The following ANKRD12 variants were observed in gnomAD, a reference collection of about 807,000 sequenced individuals.
ANKRD12 encodes ankyrin repeat domain 12.
ANKRD12 carries 85 observed loss-of-function variants against 183.4 expected under a neutral mutation model. The observed-to-expected ratio is 0.46, with a 90% CI of 0.39 to 0.56. ANKRD12 has a LOEUF of 0.56. ANKRD12 is among the 20% of genes least tolerant of loss of function. ANKRD12 has a pLI of 0.00. For synonymous variants in ANKRD12, 914 were observed against 800.2 expected, an observed-to-expected ratio of 1.14 and a Z score of -2.40; for missense variants, 2,405 against 2,357.1, an observed-to-expected ratio of 1.02 and a Z score of -0.42.
At chr18:9,157,102 C>T (rs536156492) in intron 1 of ANKRD12, among the ~76,000 whole-genome samples, 5 of 152,202 alleles carry the variant, frequency 3.3e-5, no homozygotes, top group African/African-American at 7.2e-5. Flanking sequence ...AACTCTGAAC[C>T]GTGCTTCTAG....
chr18:9,211,978 T>C (rs1035329373), intron 6 of ANKRD12, among the ~76,000 whole-genome samples, 194 bp downstream of exon 6: 3 of 152,130 alleles, frequency 2.0e-5, no homozygotes, highest in African/African-American at 4.8e-5. Flanking sequence ...TAATTACTCA[T>C]ATTTTTATAT....
At chr18:9,196,189 TACACACACACAC>T (rs34220366) in intron 3 of ANKRD12, among the ~76,000 whole-genome samples, 9 of 51,618 alleles carry the variant, frequency 1.7e-4, no homozygotes, top group South Asian at 8.1e-4. Context: ...ATAGAATTTT[TACACACACACAC>T]ACACACACAC....
chr18:9,264,681 A>T (rs1433622420), intron 10 of ANKRD12, among the ~76,000 whole-genome samples: 2 of 152,382 alleles, frequency 1.3e-5, no homozygotes, highest in Non-Finnish European at 2.9e-5. Flanking sequence ...CAGAATTTAC[A>T]ACACTGCATG....
intron 1 of ANKRD12, among the ~76,000 whole-genome samples, chr18:9,158,080 T>C (rs1225880365): frequency 6.6e-6 from 1 of 152,182 alleles, no homozygotes; most frequent in Non-Finnish European, 1.5e-5. Context: ...CGTTGCTTAA[T>C]GGCTTCCAAA....
intron 1 of ANKRD12, among the ~76,000 whole-genome samples, chr18:9,156,727 C>G (rs1245503985): frequency 1.3e-5 from 2 of 152,164 alleles, no homozygotes; most frequent in Non-Finnish European, 2.9e-5. Flanking sequence ...CCAATATCCA[C>G]TCAGCAAAAT....
chr18:9,141,065 C>T (rs72935246), intron 1 of ANKRD12, among the ~76,000 whole-genome samples: 2,059 of 151,622 alleles, frequency 0.014, 19 homozygotes, highest in Non-Finnish European at 0.02. Flanking sequence ...AGTTTGAAGG[C>T]GGGGATTCTT....
intron 8 of ANKRD12, among the ~76,000 whole-genome samples, chr18:9,238,534 C>A (rs1356198523): frequency 5.3e-5 from 8 of 152,186 alleles, no homozygotes; most frequent in Admixed American, 4.6e-4. Flanking sequence ...ACATATAAGT[C>A]ATACACTCGA....
chr18:9,196,655 T>G (rs991267805), intron 3 of ANKRD12, among the ~76,000 whole-genome samples: 1 of 152,216 alleles, frequency 6.6e-6, no homozygotes, highest in South Asian at 2.1e-4. Context: ...TAGAAAATCA[T>G]GTAGTGTATG....
At chr18:9,276,600 G>C (rs1208443120) in intron 11 of ANKRD12, among the ~76,000 whole-genome samples, 1 of 152,114 alleles carries the variant, frequency 6.6e-6, no homozygotes, top group Non-Finnish European at 1.5e-5. Context: ...TGTAGTCCCA[G>C]CTACCAGGGA....
At chr18:9,269,318 C>T (rs571698127) in intron 10 of ANKRD12, among the ~76,000 whole-genome samples, 22 of 152,288 alleles carry the variant, frequency 1.4e-4, no homozygotes, top group Admixed American at 6.5e-4. Context: ...CCAAGTCAGT[C>T]CTAAGCCAAA....
In ANKRD12 at chr18:9,285,628, T is replaced by C. The variant is rs1234237244; in HGVS notation, c.*4502T>C. On this transcript the variant is annotated 3_prime_UTR_variant, in exon 13 of 13. Transcript: ENST00000262126. ...AAATCCTGACAAATGTAAACACTCA[T>C]GTTACCATCACCCAAATTAAGATAT... 2 of 152,096 alleles carry C rather than the reference T, an allele frequency of 1.3e-5. No homozygotes were observed. Among genetic ancestry groups the C allele is most frequent in the African/African-American group, 4.8e-5 (2 of 41,432 alleles). 9.4% of individuals were successfully genotyped at this position (152,096 alleles called of 1,614,324 possible). A position where few individuals can be genotyped will look rare whatever the true frequency, so the allele number is the denominator to read the frequency against.
At chr18:9,172,508 A>G (rs567896236) in intron 1 of ANKRD12, among the ~76,000 whole-genome samples, 48 of 152,148 alleles carry the variant, frequency 3.2e-4, no homozygotes, top group Admixed American at 2.0e-3. Context: ...TGCTTGGTCT[A>G]TTCTGCTATT....
chr18:9,140,697 A>G (rs991974212), intron 1 of ANKRD12, among the ~76,000 whole-genome samples: 3 of 152,198 alleles, frequency 2.0e-5, no homozygotes, highest in Non-Finnish European at 2.9e-5. Context: ...CAGAAATGTT[A>G]AAACAGTTTT....
chr18:9,177,979 A>G (rs973328055), intron 1 of ANKRD12, among the ~76,000 whole-genome samples: 1 of 152,230 alleles, frequency 6.6e-6, no homozygotes, highest in Non-Finnish European at 1.5e-5. Context: ...AGTTATTTAT[A>G]TGTTCTGGAT....
At chr18:9,170,498 A>G (rs2032593950) in intron 1 of ANKRD12, among the ~76,000 whole-genome samples, 1 of 152,182 alleles carries the variant, frequency 6.6e-6, no homozygotes, top group African/African-American at 2.4e-5. Flanking sequence ...AGTTGATCGC[A>G]TCGGCTGCTG....
rs144230101 is a variant in ANKRD12 at position 9,205,779 on chromosome 18, A to G, written c.304+1235A>G. Among the ~76,000 whole-genome samples the G allele has an allele frequency of 2.7e-3, 416 of 152,192 alleles. 1 individual carries two copies. The highest frequency in any genetic ancestry group is 9.7e-3 in the African/African-American group (402 of 41,554). On this transcript the variant is annotated intron_variant, in intron 4 of 12. Coordinates refer to ENST00000262126, the MANE Select transcript of ANKRD12 (RefSeq NM_015208.5). ...CAGAATTGAAGTATGTACATTGCAA[A>G]CAGGATTGACTTAATTATGTTCATC...
chr18:9,156,363 G>A lies in ANKRD12; in HGVS notation c.-52+19398G>A, dbSNP rs151002345. ...AAACGGTGAGGAGGGAGTAAAATTA[G>A]TATTAGAAAGCTGTACAATAAAAAC... On this transcript the variant is annotated intron_variant, in intron 1 of 12. Transcript: ENST00000262126. Among the ~76,000 whole-genome samples the A allele has an allele frequency of 6.3e-3, 953 of 150,198 alleles. 10 individuals are homozygous for A. Among genetic ancestry groups the A allele is most frequent in the African/African-American group, 0.022 (894 of 41,360 alleles).
Position 9,255,271 on chromosome 18 carries a change from A to T in ANKRD12, c.2004A>T (p.Glu668Asp). ...KEREKEKHKKEIEGEKEKYKT... is the reference protein window; with the variant it reads ...KEREKEKHKKDIEGEKEKYKT... The stretch of plus-strand genomic sequence containing the variant: ...GGGAAAAAGAAAAGCATAAAAAAGA[A>T]ATTGAAGGTGAAAAGGAAAAATACA... The change falls in exon 9 of 13, where the codon GAA becomes GAT. Residue 668 changes from glutamate (E) to aspartate (D), a missense_variant. This residue lies in a region of ANKRD12 where 1,983 missense variants were observed against 1,725.9 expected (regional missense o/e 1.15). Coordinates refer to ENST00000262126, the MANE Select transcript of ANKRD12 (RefSeq NM_015208.5). The T allele has an allele frequency of 1.3e-6, 2 of 1,573,576 alleles. No homozygotes were observed. Among genetic ancestry groups the T allele is most frequent in the East Asian group, 4.5e-5 (2 of 44,394 alleles).
At position 9,255,661 on chromosome 18, in the gene ANKRD12, G is replaced by T. The variant is rs772443920; in HGVS notation, c.2394G>T (p.Gly798=). 1 of 1,586,876 alleles carries T rather than the reference G, an allele frequency of 6.3e-7. No individual in the cohort carries two copies. The highest frequency in any genetic ancestry group is 1.4e-5 in the African/African-American group (1 of 73,006). The change falls in exon 9 of 13, where the codon GGG becomes GGT. Residue 798 remains glycine, a synonymous_variant. Transcript: ENST00000262126. ...LGMSAIEESI[G]LHLVEKEIDI... ...TGAGTGCCATTGAGGAATCTATAGG[G>T]CTTCATTTAGTGGAAAAGGAAATAG... is the stretch of plus-strand genomic sequence containing the variant.
Sources: allele counts gnomAD v4.1 joint callset (sites outside exome capture counted in the v4.1 genomes callset), GRCh38; gene constraint gnomAD v4.1.1; regional missense constraint gnomAD v4.1.1; transcripts MANE v1.5; gene names NCBI Gene and HGNC (gene_info 2026-07-23, HGNC 2026-07-21).